PKN2: variants seen among roughly 807,000 people sequenced by gnomAD.
PKN2 encodes serine/threonine-protein kinase N2.
PKN2 carries 38 observed loss-of-function variants against 119.1 expected under a neutral mutation model. That is an observed-to-expected ratio of 0.32 (90% CI 0.25 to 0.42). The LOEUF is 0.42. PKN2 is among the 10% of genes least tolerant of loss of function. PKN2 has a pLI of 1.00. For synonymous variants in PKN2, 390 were observed against 384.9 expected (o/e 1.01, Z -0.15); for missense variants, 850 against 1,165.1 (o/e 0.73, Z 3.94).
Position 88,764,147 on chromosome 1 carries a change from A to G in PKN2, c.504+3771A>G, listed in dbSNP as rs954381337. On this transcript the variant is annotated intron_variant, in intron 3 of 21. Coordinates refer to ENST00000370521, the MANE Select transcript of PKN2 (RefSeq NM_006256.4). ...TCTATAGCTTCTGATCTCATCTTCT[A>G]AAACACCTTCCTCTCTCATTACACT... 2.0e-5 allele frequency among the ~76,000 whole-genome samples: 3 copies of G among 152,190 alleles called. No homozygotes were observed. The East Asian group carries it at 5.8e-4, about 29-fold the overall frequency.
At chr1:88,726,048 C>T (rs1335928796) in intron 1 of PKN2, among the ~76,000 whole-genome samples, 1 of 152,106 alleles carries the variant, frequency 6.6e-6, no homozygotes, top group Non-Finnish European at 1.5e-5. Flanking sequence ...GTATATGGCT[C>T]TTGTATTCTG....
chr1:88,773,902 C>G (rs894447087), intron 6 of PKN2, among the ~76,000 whole-genome samples: 3 of 152,176 alleles, frequency 2.0e-5, no homozygotes, highest in African/African-American at 7.2e-5. Flanking sequence ...CCCCACAAAA[C>G]TGCCATCACT....
At chr1:88,701,967 TTG>T (rs760014427) in intron 1 of PKN2, among the ~76,000 whole-genome samples, 18 of 152,288 alleles carry the variant, frequency 1.2e-4, no homozygotes, top group South Asian at 4.1e-4. Flanking sequence ...GTTTTGTTTT[TTG>T]TTTTTTTGAG....
At chr1:88,712,767 G>A (rs1181114089) in intron 1 of PKN2, among the ~76,000 whole-genome samples, 2 of 151,962 alleles carry the variant, frequency 1.3e-5, no homozygotes, top group Non-Finnish European at 2.9e-5. Flanking sequence ...TAGTAGTTTC[G>A]TTTATTTTAT....
chr1:88,827,951 CT>C (rs1228347401), intron 18 of PKN2, among the ~76,000 whole-genome samples: 6 of 151,966 alleles, frequency 3.9e-5, no homozygotes, highest in African/African-American at 1.4e-4. Flanking sequence ...TCTTGAACTC[CT>C]GACCTCAGGT....
intron 1 of PKN2, among the ~76,000 whole-genome samples, chr1:88,721,539 A>G (rs1287684175): frequency 2.6e-5 from 4 of 152,194 alleles, no homozygotes; most frequent in African/African-American, 9.7e-5. Flanking sequence ...GTGTGAGTAC[A>G]AATAGAATCT....
At chr1:88,786,392 A>G (rs1435732631) in intron 8 of PKN2, among the ~76,000 whole-genome samples, 179 bp downstream of exon 8, 1 of 152,214 alleles carries the variant, frequency 6.6e-6, no homozygotes, top group Non-Finnish European at 1.5e-5. Flanking sequence ...ATAGAGATGA[A>G]TATCAGATTG....
At chr1:88,733,518 A>AT (rs1668226323) in intron 1 of PKN2, among the ~76,000 whole-genome samples, 1 of 152,002 alleles carries the variant, frequency 6.6e-6, no homozygotes, top group South Asian at 2.1e-4. Flanking sequence ...CCTTTTGCCC[A>AT]TTTTTTGATC....
chr1:88,805,376 A>G (rs1002020626), intron 10 of PKN2, 121 bp from the exon 11 acceptor site: 5 of 826,600 alleles, frequency 6.0e-6, no homozygotes, highest in Admixed American at 3.3e-5. Flanking sequence ...AGTTTTTTTA[A>G]GTGACAAATT....
intron 12 of PKN2, among the ~76,000 whole-genome samples, chr1:88,806,558 C>T (rs1671548723): frequency 6.6e-6 from 1 of 152,156 alleles, no homozygotes; most frequent in African/African-American, 2.4e-5. Flanking sequence ...ATGAAATTGT[C>T]ATTAGCCTCT....
At chr1:88,810,313 G>T (rs1671730818) in intron 15 of PKN2, among the ~76,000 whole-genome samples, 1 of 151,724 alleles carries the variant, frequency 6.6e-6, no homozygotes, top group Admixed American at 6.6e-5. Context: ...GTAGAAATGG[G>T]GTTTCACCAT....
intron 21 of PKN2, 28 bp downstream of exon 21, chr1:88,833,185 T>C (rs910570343): frequency 1.7e-5 from 27 of 1,610,168 alleles, no homozygotes; most frequent in Non-Finnish European, 2.2e-5. Flanking sequence ...AAATTTTTTA[T>C]GAAACTAGAG....
chr1:88,802,328 A>T (rs911904213), intron 8 of PKN2, among the ~76,000 whole-genome samples: 1 of 144,744 alleles, frequency 6.9e-6, no homozygotes, highest in African/African-American at 2.5e-5. Context: ...ATAAATTTTA[A>T]TTTTTTTTTT....
chr1:88,724,660 C>T (rs1334490779), intron 1 of PKN2, among the ~76,000 whole-genome samples: 1 of 150,256 alleles, frequency 6.7e-6, no homozygotes, highest in Non-Finnish European at 1.5e-5. Flanking sequence ...CAACCTCTGC[C>T]TCCCAGGTTC....
intron 16 of PKN2, among the ~76,000 whole-genome samples, chr1:88,820,177 AACCTATATATATATAT>A (rs1408615624): frequency 2.7e-5 from 3 of 113,028 alleles, no homozygotes; most frequent in Non-Finnish European, 5.3e-5. Context: ...TCTTTTCAGA[AACCTATATATATATAT>A]ATATATATAT....
chr1:88,751,751 G>C (rs1669008375), intron 2 of PKN2, among the ~76,000 whole-genome samples: 1 of 152,022 alleles, frequency 6.6e-6, no homozygotes, highest in African/African-American at 2.4e-5. Context: ...ATGCTTCTCA[G>C]ACCTACCTTC....
chr1:88,755,295 GAGA>G (rs1198186203), intron 2 of PKN2, among the ~76,000 whole-genome samples: 2 of 152,172 alleles, frequency 1.3e-5, no homozygotes, highest in African/African-American at 4.8e-5. Flanking sequence ...GAAAATTGGA[GAGA>G]AGAAAAGCAG....
chr1:88,817,780 C>G (rs953656450), intron 16 of PKN2, among the ~76,000 whole-genome samples: 1 of 150,848 alleles, frequency 6.6e-6, no homozygotes, highest in African/African-American at 2.5e-5. Context: ...ACTCAATAAA[C>G]TAGGTGTTGA....
At chr1:88,766,453 A>T (rs1405474220) in intron 3 of PKN2, among the ~76,000 whole-genome samples, 1 of 152,200 alleles carries the variant, frequency 6.6e-6, no homozygotes, top group Admixed American at 6.5e-5. Flanking sequence ...TTTTTGTAAA[A>T]TAAAAAACAT....
Sources: allele counts gnomAD v4.1 joint callset (sites outside exome capture counted in the v4.1 genomes callset), GRCh38; gene constraint gnomAD v4.1.1; transcripts MANE v1.5; gene names NCBI Gene and HGNC (gene_info 2026-07-23, HGNC 2026-07-21).